The following DMD variants were observed in gnomAD, a reference collection of about 807,000 sequenced individuals.
DMD encodes the protein dystrophin, also known as mutant dystrophin.
Under a neutral mutation model 330.1 loss-of-function variants are expected in DMD, and 63 were observed. The observed-to-expected ratio is 0.19, with a 90% CI of 0.16 to 0.24. The LOEUF is 0.24. DMD is among the 10% of genes least tolerant of loss of function. The probability of loss-of-function intolerance (pLI) is 1.00; values close to 1 mark genes in which losing one functional copy is unlikely to be tolerated. For synonymous variants in DMD, 1,223 were observed against 959.8 expected, an observed-to-expected ratio of 1.27 and a Z score of -5.07; for missense variants, 3,344 against 2,684.1, an observed-to-expected ratio of 1.25 and a Z score of -5.43.
chrX:32,902,659 T>C (rs930125288), intron 2 of DMD, among the ~76,000 whole-genome samples: 1 of 109,898 alleles, frequency 9.1e-6, no homozygotes, highest in Admixed American at 9.7e-5. Context: ...TTCATTTCTA[T>C]AAAAAGAAAT....
At chrX:32,520,389 G>A (rs775678801) in intron 17 of DMD, among the ~76,000 whole-genome samples, 161 of 111,973 alleles carry the variant, frequency 1.4e-3, no homozygotes, top group Non-Finnish European at 1.8e-3. Flanking sequence ...TCATCATAAT[G>A]TCTTAAAACA....
At chrX:32,155,063 T>G (rs748658543) in intron 44 of DMD, among the ~76,000 whole-genome samples, 5 of 109,263 alleles carry the variant, frequency 4.6e-5, no homozygotes, top group South Asian at 4.0e-4. Flanking sequence ...TTGCTGTGTT[T>G]TTTTTTTTTT....
chrX:32,654,169 C>T (rs58819631), intron 9 of DMD, among the ~76,000 whole-genome samples: 16,596 of 110,456 alleles, frequency 0.15, 1,819 homozygotes, highest in African/African-American at 0.39. Flanking sequence ...TTGCCCTGGC[C>T]GGAACTTCCA....
intron 2 of DMD, 150 bp downstream of exon 2, chrX:33,019,989 G>C (rs1279805899): frequency 2.4e-6 from 1 of 421,976 alleles, no homozygotes; most frequent in Non-Finnish European, 4.2e-6. Flanking sequence ...CCTTAAATAA[G>C]AGTGAACATA....
At chrX:31,206,135 G>A (rs1376851523) in intron 66 of DMD, among the ~76,000 whole-genome samples, 1 of 112,617 alleles carries the variant, frequency 8.9e-6, no homozygotes, top group Non-Finnish European at 1.9e-5. Flanking sequence ...CACGGAATTG[G>A]ATGTGTCAGT....
chrX:32,868,074 C>T (rs767797924), intron 2 of DMD, among the ~76,000 whole-genome samples: 18 of 110,708 alleles, frequency 1.6e-4, no homozygotes, highest in Admixed American at 2.9e-4. Flanking sequence ...GGCATGAGAG[C>T]GCAAGGAAAA....
At chrX:31,410,110 G>A (rs747348915) in intron 60 of DMD, among the ~76,000 whole-genome samples, 6 of 112,434 alleles carry the variant, frequency 5.3e-5, no homozygotes, top group Admixed American at 9.4e-5. Flanking sequence ...GTGAGTCACC[G>A]TGTCCGGCCC....
chrX:32,635,310 G>C (rs757162822), intron 11 of DMD, among the ~76,000 whole-genome samples: 11 of 111,088 alleles, frequency 9.9e-5, no homozygotes, highest in Middle Eastern at 4.6e-3. Context: ...CAGGTACTAC[G>C]ATCATGCACC....
chrX:32,504,993 T>C (rs1166266038), intron 18 of DMD, among the ~76,000 whole-genome samples: 2 of 112,304 alleles, frequency 1.8e-5, no homozygotes, highest in Non-Finnish European at 3.8e-5. Context: ...ATTGTGGTGT[T>C]CATATAATTC....
At chrX:31,707,603 T>G (rs900906102) in intron 52 of DMD, among the ~76,000 whole-genome samples, 3 of 111,528 alleles carry the variant, frequency 2.7e-5, no homozygotes, top group Non-Finnish European at 3.8e-5. Context: ...ATGCACCTTC[T>G]GTATCTAAAA....
Position 31,774,138 on chromosome X carries a change from G to A in DMD, c.7364C>T (p.Ala2455Val), listed in dbSNP as rs1416125216. The change falls in exon 51 of 79, where the codon GCC (alanine) becomes GTC (valine). Residue 2455 changes from alanine to valine, a missense_variant. Physicochemically the swap from Ala to Val is moderately conservative, Grantham distance 64. Coordinates refer to ENST00000357033, the MANE Select transcript of DMD (RefSeq NM_004006.3). Reference sequence around the variant, plus strand: ...AGATGGCATTTCTAGTTTGGAGATGGCAGTTTCCTTAGTAACCACAGGTTG... The same window carrying A: ...AGATGGCATTTCTAGTTTGGAGATGACAGTTTCCTTAGTAACCACAGGTTG... ...VTQPVVTKETAISKLEMPSSL... is the reference protein window; with the variant it reads ...VTQPVVTKETVISKLEMPSSL... The A allele has an allele frequency of 2.5e-6, 3 of 1,208,296 alleles. No individual in the cohort carries two copies. In the African/African-American group the frequency reaches 5.3e-5, roughly 21 times the overall value.
At chrX:33,162,517 A>T in intron 1 of DMD, among the ~76,000 whole-genome samples, 1 of 111,933 alleles carries the variant, frequency 8.9e-6, no homozygotes, top group Middle Eastern at 4.6e-3. Flanking sequence ...TGTCAAAAGC[A>T]GATTTAATGG....
chrX:31,769,118 G>A (rs770922044), intron 51 of DMD, among the ~76,000 whole-genome samples: 9 of 112,070 alleles, frequency 8.0e-5, no homozygotes, highest in Non-Finnish European at 1.5e-4. Context: ...TGAGTTCAAA[G>A]TCTAAAGCTA....
intron 42 of DMD, among the ~76,000 whole-genome samples, chrX:32,288,064 C>T (rs1434608915): frequency 9.0e-6 from 1 of 110,798 alleles, no homozygotes; most frequent in Non-Finnish European, 1.9e-5. Context: ...TAATCCATCC[C>T]ATTTGTTCTC....
intron 9 of DMD, among the ~76,000 whole-genome samples, chrX:32,685,219 G>A (rs2062763737): frequency 9.0e-6 from 1 of 111,205 alleles, no homozygotes; most frequent in Admixed American, 9.7e-5. Flanking sequence ...TAGCTCACCT[G>A]AAATTTAAAT....
At chrX:32,703,194 G>GGACTTCT (rs2064293059) in intron 7 of DMD, among the ~76,000 whole-genome samples, 1 of 111,191 alleles carries the variant, frequency 9.0e-6, no homozygotes, top group Non-Finnish European at 1.9e-5. Flanking sequence ...TTAGATTGCT[G>GGACTTCT]GACTTCTGAC....
intron 34 of DMD, among the ~76,000 whole-genome samples, chrX:32,370,137 C>T (rs1006502001): frequency 9.1e-6 from 1 of 110,160 alleles, no homozygotes; most frequent in East Asian, 2.8e-4. Flanking sequence ...TACTGCAATT[C>T]TAAGATGTGC....
intron 1 of DMD, among the ~76,000 whole-genome samples, chrX:33,054,419 G>C (rs1261183642): frequency 3.6e-5 from 4 of 111,491 alleles, no homozygotes; most frequent in Admixed American, 9.6e-5. Context: ...TGTGCCTCTG[G>C]TTATTTTGCA....
At chrX:33,298,949 C>G (rs1251253463) in intron 1 of DMD, among the ~76,000 whole-genome samples, 1 of 111,447 alleles carries the variant, frequency 9.0e-6, no homozygotes, top group Non-Finnish European at 1.9e-5. Context: ...GGGACAGAAG[C>G]GGAACAGCTA....
Sources: allele counts gnomAD v4.1 joint callset (sites outside exome capture counted in the v4.1 genomes callset), GRCh38; gene constraint gnomAD v4.1.1; transcripts MANE v1.5; gene names NCBI Gene and HGNC (gene_info 2026-07-23, HGNC 2026-07-21).